The following POU2F1 variants were observed in gnomAD, a reference collection of about 807,000 sequenced individuals.
POU2F1 encodes the protein POU domain, class 2, transcription factor 1.
Under a neutral mutation model 84.9 loss-of-function variants are expected in POU2F1, and 16 were observed. The observed-to-expected ratio is 0.19, with a 90% CI of 0.13 to 0.29. The LOEUF is 0.29. Among genes scored for constraint, POU2F1 ranks in the 10% least tolerant of loss-of-function variants. The pLI is 1.00. For synonymous variants in POU2F1, 368 were observed against 368.3 expected, an observed-to-expected ratio of 1.00 and a Z score of 0.01; for missense variants, 738 against 942.6, an observed-to-expected ratio of 0.78 and a Z score of 2.84.
chr1:167,360,949 A>G (rs193295767), intron 2 of POU2F1, among the ~76,000 whole-genome samples: 104 of 151,310 alleles, frequency 6.9e-4, no homozygotes, highest in Middle Eastern at 6.8e-3. Context: ...ATTTTATTTT[A>G]TTTTATTTTT....
intron 4 of POU2F1, 58 bp from the exon 5 acceptor site, chr1:167,371,858 AG>A: frequency 1.9e-6 from 3 of 1,600,884 alleles, no homozygotes; most frequent in Non-Finnish European, 2.6e-6. Flanking sequence ...TGGGGTTTTA[AG>A]TACATTTCTT....
At chr1:167,221,658 G>T (rs1295917835) in intron 1 of POU2F1, among the ~76,000 whole-genome samples, 2 of 151,060 alleles carry the variant, frequency 1.3e-5, no homozygotes, top group Admixed American at 6.6e-5. Flanking sequence ...TGAGCCCGGG[G>T]GTCACGGCCC....
chr1:167,357,156 G>A lies in POU2F1; in HGVS notation c.128-8311G>A, dbSNP rs73024260. 5.2e-3 allele frequency among the ~76,000 whole-genome samples: 795 copies of A among 152,132 alleles called. 10 individuals are homozygous for A. The highest frequency in any genetic ancestry group is 0.018 in the African/African-American group (731 of 41,496). Reference sequence around the variant, plus strand: ...GACCATCACCCGACATTCCTAGTGGGCAAGGGAAGAGCCCTCTGCCCTGCT... The same window carrying A: ...GACCATCACCCGACATTCCTAGTGGACAAGGGAAGAGCCCTCTGCCCTGCT... On this transcript the variant is annotated intron_variant, in intron 2 of 15. Transcript: ENST00000367866.
At chr1:167,311,741 TTTAAGCTACTA>T (rs1408405678) in intron 1 of POU2F1, among the ~76,000 whole-genome samples, 4 of 151,894 alleles carry the variant, frequency 2.6e-5, no homozygotes, top group Admixed American at 2.0e-4. Flanking sequence ...GTCTTTGTAT[TTTAAGCTACTA>T]TGGGTTATTA....
intron 1 of POU2F1, among the ~76,000 whole-genome samples, chr1:167,256,559 CTG>C (rs367706606): frequency 6.6e-6 from 1 of 152,086 alleles, no homozygotes; most frequent in Non-Finnish European, 1.5e-5. Context: ...TTGAGAATAA[CTG>C]AGGTTAAGTG....
At chr1:167,329,652 C>T (rs566877285) in intron 1 of POU2F1, among the ~76,000 whole-genome samples, 2 of 152,132 alleles carry the variant, frequency 1.3e-5, no homozygotes, top group South Asian at 4.1e-4. Flanking sequence ...TAGAACTGTA[C>T]ATATATAATA....
chr1:167,325,427 G>T (rs1314762074), intron 1 of POU2F1, among the ~76,000 whole-genome samples: 1 of 152,100 alleles, frequency 6.6e-6, no homozygotes, highest in Admixed American at 6.5e-5. Context: ...ACATGACCAG[G>T]CTGGATGTTA....
At chr1:167,309,202 G>A (rs560553375) in intron 1 of POU2F1, among the ~76,000 whole-genome samples, 11 of 151,402 alleles carry the variant, frequency 7.3e-5, no homozygotes, top group African/African-American at 2.7e-4. Flanking sequence ...TTGCTGTAGG[G>A]GTACTATTGC....
intron 2 of POU2F1, 149 bp downstream of exon 2, chr1:167,332,684 G>A (rs1244482549): frequency 1.7e-6 from 1 of 581,820 alleles, no homozygotes; most frequent in Non-Finnish European, 3.0e-6. Context: ...GAACTGGGAG[G>A]GATTATGTTT....
intron 1 of POU2F1, among the ~76,000 whole-genome samples, chr1:167,316,720 G>GA (rs1489673104): frequency 6.6e-6 from 1 of 152,088 alleles, no homozygotes; most frequent in Non-Finnish European, 1.5e-5. Context: ...CAGATAAAGA[G>GA]AGAAAACATA....
At chr1:167,409,054 T>TC (rs1456900296) in intron 13 of POU2F1, among the ~76,000 whole-genome samples, 4 of 152,238 alleles carry the variant, frequency 2.6e-5, no homozygotes, top group Non-Finnish European at 4.4e-5. Context: ...CACTGATTTT[T>TC]CTTTTCTTTT....
rs141498738 is a variant in POU2F1, at chr1:167,360,237, G to A, written c.128-5230G>A. Among the ~76,000 whole-genome samples, 74 of 151,924 alleles carry A rather than the reference G, an allele frequency of 4.9e-4. No individual in the cohort carries two copies. In the East Asian group the frequency reaches 0.011, roughly 23 times the overall value. On this transcript the variant is annotated intron_variant, in intron 2 of 15. Transcript: ENST00000367866. ...AGTTGTCTGTTTTTATTTTTGTTGC[G>A]TTTGCTTTTGAGTAGTTAGTCATAA...
At chr1:167,246,666 T>C (rs1650341910) in intron 1 of POU2F1, among the ~76,000 whole-genome samples, 1 of 152,234 alleles carries the variant, frequency 6.6e-6, no homozygotes, top group South Asian at 2.1e-4. Flanking sequence ...TCATATCTGT[T>C]AATGGAAGTG....
chr1:167,276,372 A>G (rs948047976), intron 1 of POU2F1, among the ~76,000 whole-genome samples: 2 of 152,184 alleles, frequency 1.3e-5, no homozygotes, highest in African/African-American at 4.8e-5. Context: ...TGATGCTGAC[A>G]TATTATTATA....
intron 2 of POU2F1, among the ~76,000 whole-genome samples, chr1:167,348,568 C>T (rs919781099): frequency 1.7e-4 from 26 of 152,308 alleles, no homozygotes; most frequent in Non-Finnish European, 3.1e-4. Context: ...AGTGGCAACT[C>T]TTCATTCATT....
At chr1:167,247,032 A>G (rs1344224496) in intron 1 of POU2F1, among the ~76,000 whole-genome samples, 2 of 37,498 alleles carry the variant, frequency 5.3e-5, no homozygotes, top group Admixed American at 5.0e-4. Flanking sequence ...ATCAGGTTAT[A>G]TATATATGTG....
At chr1:167,280,225 A>G (rs374540003) in intron 1 of POU2F1, among the ~76,000 whole-genome samples, 159 of 151,816 alleles carry the variant, frequency 1.0e-3, no homozygotes, top group African/African-American at 3.4e-3. Flanking sequence ...AATGTGTGAT[A>G]TCAGAAATAA....
intron 4 of POU2F1, 127 bp downstream of exon 4, chr1:167,370,341 G>T (rs1456716114): frequency 1.0e-5 from 7 of 689,346 alleles, no homozygotes; most frequent in African/African-American, 1.8e-5. Flanking sequence ...AGTGAATCTC[G>T]TGAAGATTCA....
chr1:167,360,985 G>A (rs915058091), intron 2 of POU2F1, among the ~76,000 whole-genome samples: 6 of 151,446 alleles, frequency 4.0e-5, no homozygotes, highest in East Asian at 3.9e-4. Flanking sequence ...TGTGGCTACC[G>A]TAAATGGGAT....
Sources: allele counts gnomAD v4.1 joint callset (sites outside exome capture counted in the v4.1 genomes callset), GRCh38; gene constraint gnomAD v4.1.1; transcripts MANE v1.5; gene names NCBI Gene and HGNC (gene_info 2026-07-23, HGNC 2026-07-21).